The following CEP44 variants were observed in gnomAD, a reference collection of about 807,000 sequenced individuals.
The protein encoded by CEP44 is centrosomal protein of 44 kDa.
In CEP44, 45 loss-of-function variants were observed where a neutral mutation model predicts 46.7. The ratio of observed to expected loss-of-function variants is 0.96; its 90% CI spans 0.76 to 1.24. The LOEUF is 1.24. CEP44 is among the 50% of genes most tolerant of loss of function. CEP44 has a pLI of 0.00. For missense variants in CEP44, 475 were observed against 459.7 expected (o/e 1.03, Z -0.30); for synonymous variants, 142 against 146.0 (o/e 0.97, Z 0.20).
At position 174,319,127 on chromosome 4, in the gene CEP44, A is replaced by G; in HGVS notation, c.*1744A>G. ...TTGGCCACATTTTTAGTATTCTAAT[A>G]AACAGTTGGTCATCAGAACTTTAAA... On this transcript the variant is annotated 3_prime_UTR_variant, in exon 12 of 12. Coordinates refer to ENST00000503780, the MANE Select transcript of CEP44 (RefSeq NM_001040157.3). 1.0e-6 allele frequency: 1 copy of G among 984,736 alleles called. No homozygotes were observed. Among genetic ancestry groups the G allele is most frequent in the Non-Finnish European group, 1.2e-6 (1 of 829,298 alleles). 61.0% of individuals were successfully genotyped at this position (984,736 alleles called of 1,614,324 possible). A position where few individuals can be genotyped will look rare whatever the true frequency, so the allele number is the denominator to read the frequency against.
In CEP44 at chr4:174,304,383, A is replaced by G; in HGVS notation, c.507+14A>G. 6.2e-7 allele frequency: 1 copy of G among 1,602,588 alleles called. No homozygotes were observed. The highest frequency in any genetic ancestry group is 8.5e-7 in the Non-Finnish European group (1 of 1,177,118). On this transcript the variant is annotated intron_variant, in intron 6 of 11. Transcript: ENST00000503780. ...ACCTCAGGAAAGGTATGCAACCACA[A>G]AGAAAATATCATATTGTTTAAGAGT...
Position 174,301,936 on chromosome 4 carries a change from T to C in CEP44, c.90-103T>C. 1 of 1,050,604 alleles carries C rather than the reference T, an allele frequency of 9.5e-7. No homozygotes were observed. The highest frequency in any genetic ancestry group is 1.3e-6 in the Non-Finnish European group (1 of 742,874). 65.1% of individuals were successfully genotyped at this position (1,050,604 alleles called of 1,614,324 possible). A position where few individuals can be genotyped will look rare whatever the true frequency, so the allele number is the denominator to read the frequency against. On this transcript the variant is annotated intron_variant, in intron 3 of 11. Coordinates refer to ENST00000503780, the MANE Select transcript of CEP44 (RefSeq NM_001040157.3). This position sits in a 1 kb window ranked among gnomAD's most constrained non-coding sequence, Gnocchi z 4.3. Reference sequence around the variant, plus strand: ...ATTATTATAGCTATAGTGTTAAGTTTTAAATTATTATAAACATTTCTAATA... The same window carrying C: ...ATTATTATAGCTATAGTGTTAAGTTCTAAATTATTATAAACATTTCTAATA...
intron 1 of CEP44, among the ~76,000 whole-genome samples, chr4:174,291,585 A>G (rs1006972654): frequency 1.3e-5 from 2 of 151,900 alleles, no homozygotes; most frequent in African/African-American, 4.8e-5. Flanking sequence ...GCAATATTCC[A>G]TGTTTGTTTT....
intron 6 of CEP44, among the ~76,000 whole-genome samples, 200 bp downstream of exon 6, chr4:174,304,569 A>C (rs28539757): frequency 0.051 from 7,818 of 152,274 alleles, 645 homozygotes; most frequent in African/African-American, 0.18. Flanking sequence ...AAAATTAAAT[A>C]CGTGTTCTCT....
rs971870518 is a variant in CEP44 at position 174,301,331 on chromosome 4, G to A, written c.90-708G>A. Among the ~76,000 whole-genome samples, 14 of 152,270 alleles carry A rather than the reference G, an allele frequency of 9.2e-5. No individual in the cohort carries two copies. The highest frequency in any genetic ancestry group is 3.4e-4 in the African/African-American group (14 of 41,562). On this transcript the variant is annotated intron_variant, in intron 3 of 11. Transcript: ENST00000503780. This position sits in a 1 kb window ranked among gnomAD's most constrained non-coding sequence, Gnocchi z 4.3. ...CAGGAAACACTACCAGACAGATAAA[G>A]ACACAGCAGATACTGAGTAGCCTGG... is the stretch of plus-strand genomic sequence containing the variant.
rs1429246672 is a variant in CEP44 at position 174,312,019 on chromosome 4, A to G, written c.961+1161A>G. On this transcript the variant is annotated intron_variant, in intron 9 of 11. Transcript: ENST00000503780. The surrounding 1 kb of genome is among the most constrained non-coding windows in gnomAD (Gnocchi z 4.5). ...ACAAATGTTAATGCTTGAGTATAAG[A>G]TCCTTGAGAGCAAAAACTTTATCTT... Among the ~76,000 whole-genome samples the G allele has an allele frequency of 6.6e-6, 1 of 152,168 alleles. No individual in the cohort carries two copies. Among genetic ancestry groups the G allele is most frequent in the East Asian group, 1.9e-4 (1 of 5,200 alleles).
downstream of CEP44, among the ~76,000 whole-genome samples, chr4:174,324,673 C>G (rs1337430428): frequency 6.6e-6 from 1 of 152,076 alleles, no homozygotes; most frequent in Non-Finnish European, 1.5e-5. Flanking sequence ...CAGAGGATCC[C>G]CTCCTCACTC....
Position 174,326,472 on chromosome 4 carries a change from A to C in CEP44, c.1087-5010A>C, listed in dbSNP as rs948137825. 1.3e-5 allele frequency among the ~76,000 whole-genome samples: 2 copies of C among 152,044 alleles called. No homozygotes were observed. The highest frequency in any genetic ancestry group is 2.1e-4 in the South Asian group (1 of 4,832). On this transcript the variant is annotated intron_variant, in intron 8 of 8. Coordinates refer to the CEP44 transcript ENST00000426172. This position sits in a 1 kb window ranked among gnomAD's most constrained non-coding sequence, Gnocchi z 4.8. ...TTTTTTGTCAAACATTGACTTCTAC[A>C]TATGTTATAAACTGCAAAACATTAT...
At chr4:174,322,372 T>C (rs570191092), downstream of CEP44, among the ~76,000 whole-genome samples, 7 of 152,198 alleles carry the variant, frequency 4.6e-5, 1 homozygote, top group African/African-American at 7.2e-5. Flanking sequence ...TCATTTCCTA[T>C]CCTCTGCACC....
At chr4:174,330,404 A>G (rs909530743) in intron 8 of CEP44, among the ~76,000 whole-genome samples, 1 of 151,868 alleles carries the variant, frequency 6.6e-6, no homozygotes, top group Non-Finnish European at 1.5e-5. Context: ...CAGGAGGATC[A>G]CTTGAACCTG....
chr4:174,299,199 G>A lies in CEP44; in HGVS notation c.78G>A (p.Val26=), dbSNP rs1326555208. ...GCTTGCTAAATTATCCTGAAGAGGT[G>A]GACTGTGTAGGGTAAGCTATAATAT... The part of the protein sequence containing the change: ...VLRLLNYPEE[V]DCVGLIKGDP... Residue 26 remains valine (V), a synonymous_variant, in exon 3 of 12, where the codon GTG becomes GTA. Coordinates refer to ENST00000503780, the MANE Select transcript of CEP44 (RefSeq NM_001040157.3). The A allele has an allele frequency of 1.9e-6, 3 of 1,612,906 alleles. No individual in the cohort carries two copies. Among genetic ancestry groups the A allele is most frequent in the South Asian group, 1.1e-5 (1 of 90,982 alleles).
chr4:174,329,462 G>A lies in CEP44; in HGVS notation c.1087-2020G>A, dbSNP rs1300147525. Among the ~76,000 whole-genome samples the A allele has an allele frequency of 3.3e-5, 5 of 152,210 alleles. No homozygotes were observed. Among genetic ancestry groups the A allele is most frequent in the East Asian group, 1.9e-4 (1 of 5,176 alleles). On this transcript the variant is annotated intron_variant, in intron 8 of 8. Coordinates refer to the CEP44 transcript ENST00000426172. The surrounding 1 kb of genome is among the most constrained non-coding windows in gnomAD (Gnocchi z 4.0). ...TTTACATTGTAAATGTTAAGGAAAC[G>A]TGTTTAAATTGTTTTGATATGCCTT...
Position 174,311,639 on chromosome 4 carries a change from T to C in CEP44, c.961+781T>C, listed in dbSNP as rs1410192341. 6.6e-6 allele frequency among the ~76,000 whole-genome samples: 1 copy of C among 152,106 alleles called. No individual in the cohort carries two copies. Among genetic ancestry groups the C allele is most frequent in the East Asian group, 1.9e-4 (1 of 5,204 alleles). On this transcript the variant is annotated intron_variant, in intron 9 of 11. Coordinates refer to ENST00000503780, the MANE Select transcript of CEP44 (RefSeq NM_001040157.3). The surrounding 1 kb of genome is among the most constrained non-coding windows in gnomAD (Gnocchi z 4.4). Reference sequence around the variant, plus strand: ...ACAGTGTGCCTGGCACGATTCTAACTACTATATTAACTCATTTAATTCTTG... The same window carrying C: ...ACAGTGTGCCTGGCACGATTCTAACCACTATATTAACTCATTTAATTCTTG...
chr4:174,308,600 C>A, intron 6 of CEP44, 89 bp from the exon 7 acceptor site: 1 of 1,270,170 alleles, frequency 7.9e-7, no homozygotes, highest in Non-Finnish European at 1.1e-6. Flanking sequence ...AACAAACCTG[C>A]ACATGGACCC....
At chr4:174,289,416 A>G (rs1250206995) in intron 1 of CEP44, among the ~76,000 whole-genome samples, 1 of 148,810 alleles carries the variant, frequency 6.7e-6, no homozygotes, top group Non-Finnish European at 1.5e-5. Flanking sequence ...TATTCCATCA[A>G]TCTCCTTTTT....
In CEP44 at chr4:174,331,161, C is replaced by T. The variant is rs982101717; in HGVS notation, c.1087-321C>T. ...TTTAATTAGTACGTAAATTAGATCTCATAATTATGTTACCAATTTTTTAAT... is the reference window on the plus strand; with the variant it reads ...TTTAATTAGTACGTAAATTAGATCTTATAATTATGTTACCAATTTTTTAAT... On this transcript the variant is annotated intron_variant, in intron 8 of 8. Transcript: ENST00000426172. The surrounding 1 kb of genome is among the most constrained non-coding windows in gnomAD (Gnocchi z 4.5). 6.6e-6 allele frequency among the ~76,000 whole-genome samples: 1 copy of T among 150,768 alleles called. No homozygotes were observed. The highest frequency in any genetic ancestry group is 1.5e-5 in the Non-Finnish European group (1 of 67,808).
chr4:174,330,125 T>C (rs1297685330), intron 8 of CEP44, among the ~76,000 whole-genome samples: 1 of 152,190 alleles, frequency 6.6e-6, no homozygotes, highest in East Asian at 1.9e-4. Context: ...AAATAAACTT[T>C]GTTAATATTT....
intron 1 of CEP44, 85 bp downstream of exon 1, chr4:174,284,028 G>T: frequency 2.5e-6 from 1 of 399,518 alleles, no homozygotes; most frequent in South Asian, 1.3e-4. Flanking sequence ...TGGCTGTAGC[G>T]ACTGGTTGCG....
intron 1 of CEP44, among the ~76,000 whole-genome samples, chr4:174,289,765 C>T (rs1036835741): frequency 5.3e-5 from 8 of 151,378 alleles, no homozygotes; most frequent in Admixed American, 2.6e-4. Flanking sequence ...TTTCTTCCTT[C>T]TGCTAATTTT....
Sources: gnomAD v4.1 joint callset for allele counts (sites outside exome capture counted in the v4.1 genomes callset) on GRCh38, gnomAD v4.1.1 for gene constraint, Gnocchi (gnomAD v3.1) non-coding constraint, MANE v1.5 for transcripts, NCBI Gene and HGNC (gene_info 2026-07-23, HGNC 2026-07-21) for gene names.